NBR1: variants seen among roughly 807,000 people sequenced by gnomAD.
The protein encoded by NBR1 is next to BRCA1 gene 1 protein.
A neutral mutation model predicts 115.5 loss-of-function variants in NBR1; 59 were observed. That is an observed-to-expected ratio of 0.51 (90% confidence interval 0.41 to 0.63). The LOEUF (loss-of-function observed/expected upper bound fraction) is 0.63. NBR1 is among the 30% of genes least tolerant of loss of function. The pLI is 0.00. For missense variants in NBR1, 1,043 were observed against 1,150.5 expected (o/e 0.91, Z 1.35); for synonymous variants, 373 against 414.7 (o/e 0.90, Z 1.22).
chr17:43,187,502 C>CTTTTTTT (rs71160025), intron 6 of NBR1, among the ~76,000 whole-genome samples: 2 of 68,836 alleles, frequency 2.9e-5, no homozygotes, highest in African/African-American at 1.4e-4. Context: ...TATTTCCTGA[C>CTTTTTTT]TTTTTTTTTT....
intron 10 of NBR1, among the ~76,000 whole-genome samples, chr17:43,192,264 C>T (rs987439723): frequency 3.9e-5 from 6 of 151,998 alleles, no homozygotes; most frequent in African/African-American, 9.7e-5. Flanking sequence ...CTCATGAATC[C>T]GCCCGCCTTG....
chr17:43,193,375 T>G lies in NBR1; in HGVS notation c.1261T>G (p.Leu421Val). Reference protein sequence around the residue: ...KLKFMWGNLTLASTEKKDVLV... With the variant: ...KLKFMWGNLTVASTEKKDVLV... The stretch of plus-strand genomic sequence containing the variant: ...CAAGTTCATGTGGGGAAACCTGACT[T>G]TGGCTTCCACAGAAAAGAAGGATGT... Residue 421 changes from leucine (L) to valine (V), a missense_variant, in exon 12 of 21, where the codon TTG becomes GTG. Leu to Val is a conservative substitution (Grantham distance 32, BLOSUM62 1). Transcript: ENST00000590996. 1 of 1,613,946 alleles carries G rather than the reference T, an allele frequency of 6.2e-7. No homozygotes were observed. Among genetic ancestry groups the G allele is most frequent in the Non-Finnish European group, 8.5e-7 (1 of 1,179,832 alleles).
In NBR1 at chr17:43,211,325, C is replaced by T. The variant is rs1420501931; in HGVS notation, c.*1251C>T. 2.0e-5 allele frequency: 3 copies of T among 152,394 alleles called. No individual in the cohort carries two copies. Among genetic ancestry groups the T allele is most frequent in the Admixed American group, 6.6e-5 (1 of 15,248 alleles). The allele number at this position is 152,394 out of a possible 1,614,324, so 9.4% of individuals were successfully genotyped here. ...AAAAGGAAGAATATGAACCCCAGAC[C>T]GAAGGGGAAAAGATAGTTAATAGTA... On this transcript the variant is annotated 3_prime_UTR_variant, in exon 21 of 21. Coordinates refer to ENST00000590996, the MANE Select transcript of NBR1 (RefSeq NM_005899.5).
At chr17:43,186,504 C>T (rs2056806062) in intron 6 of NBR1, 60 bp downstream of exon 6, 1 of 1,304,502 alleles carries the variant, frequency 7.7e-7, no homozygotes, top group Non-Finnish European at 1.0e-6. Flanking sequence ...TTAAATAAAG[C>T]TGAACAGGTT....
At chr17:43,178,107 G>T in intron 3 of NBR1, 109 bp downstream of exon 3, 1 of 1,316,398 alleles carries the variant, frequency 7.6e-7, no homozygotes, top group South Asian at 1.3e-5. Flanking sequence ...TTTGTGTGGT[G>T]GTTTAAATAT....
At chr17:43,179,466 T>G (rs1274971314) in intron 4 of NBR1, 54 bp downstream of exon 4, 4 of 1,507,500 alleles carry the variant, frequency 2.7e-6, no homozygotes, top group Non-Finnish European at 3.7e-6. Context: ...AATCTGCTCA[T>G]TGAGGCATTT....
chr17:43,170,427 G>A (rs1190230298), upstream of NBR1: 13 of 153,818 alleles, frequency 8.5e-5, no homozygotes, highest in South Asian at 1.9e-3. Context: ...TGAGTTCGCC[G>A]TAAAGCGCCC....
chr17:43,184,414 A>G lies in NBR1; in HGVS notation c.208-1836A>G, dbSNP rs369048200. Among the ~76,000 whole-genome samples, 8 of 105,378 alleles carry G rather than the reference A, an allele frequency of 7.6e-5. No individual in the cohort carries two copies. In the East Asian group the frequency reaches 2.7e-3, roughly 36 times the overall value. The allele number at this position is 105,378 out of a possible 152,430, so 69.1% of individuals were successfully genotyped here. The stretch of plus-strand genomic sequence containing the variant: ...AGAGTCTCACTTTGTTGCCCAAGCT[A>G]GAGTGCAGTGGCGCCATCTCAGCTC... On this transcript the variant is annotated intron_variant, in intron 5 of 20. Transcript: ENST00000590996.
chr17:43,203,912 A>G (rs2057258167), intron 20 of NBR1, 126 bp downstream of exon 20: 1 of 479,316 alleles, frequency 2.1e-6, no homozygotes, highest in African/African-American at 2.0e-5. Context: ...TTTAGTCTTT[A>G]GTTAACACAC....
At chr17:43,202,573 C>A in intron 18 of NBR1, 82 bp from the exon 19 acceptor site, 1 of 953,120 alleles carries the variant, frequency 1.0e-6, no homozygotes, top group Admixed American at 2.6e-5. Flanking sequence ...TGCCACCTGC[C>A]TCAATAATAG....
At chr17:43,198,512 G>A (rs1185120958) in intron 16 of NBR1, among the ~76,000 whole-genome samples, 1 of 151,960 alleles carries the variant, frequency 6.6e-6, no homozygotes, top group Non-Finnish European at 1.5e-5. Context: ...AATTAGCTGG[G>A]CGTGGTAGCG....
At chr17:43,188,045 C>CA in intron 6 of NBR1, among the ~76,000 whole-genome samples, 1 of 151,958 alleles carries the variant, frequency 6.6e-6, no homozygotes, top group East Asian at 1.9e-4. Context: ...CGCCCACTAC[C>CA]ACGCCTAGCT....
At position 43,175,904 on chromosome 17, in the gene NBR1, G is replaced by T. The variant is rs1188056406; in HGVS notation, c.102+3G>T. On this transcript the variant is annotated splice_donor_region_variant and intron_variant, in intron 2 of 20. Transcript: ENST00000590996. The stretch of plus-strand genomic sequence containing the variant: ...CTTGGGCTGATATCGAAGCTATGGT[G>T]AGTGTTACTTTATTTTGTTTCTCCT... 1 of 1,520,104 alleles carries T rather than the reference G, an allele frequency of 6.6e-7. No individual in the cohort carries two copies. Among genetic ancestry groups the T allele is most frequent in the Admixed American group, 1.7e-5 (1 of 58,340 alleles). 94.2% of individuals were successfully genotyped at this position (1,520,104 alleles called of 1,614,324 possible). A position where few individuals can be genotyped will look rare whatever the true frequency, so the allele number is the denominator to read the frequency against.
chr17:43,192,015 C>A (rs2056959028), intron 10 of NBR1, among the ~76,000 whole-genome samples: 1 of 132,368 alleles, frequency 7.6e-6, no homozygotes, highest in African/African-American at 2.7e-5. Flanking sequence ...CCACACAGCA[C>A]CCGGCTTTTT....
intron 16 of NBR1, 116 bp from the exon 17 acceptor site, chr17:43,200,051 C>A: frequency 2.4e-6 from 2 of 822,536 alleles, no homozygotes; most frequent in Non-Finnish European, 3.8e-6. Context: ...TTAGTTCTTC[C>A]CTCTCCTCTG....
chr17:43,184,410 A>T (rs1369712619), intron 5 of NBR1, among the ~76,000 whole-genome samples: 1 of 105,140 alleles, frequency 9.5e-6, no homozygotes, highest in African/African-American at 3.1e-5. Flanking sequence ...TTGTTGCCCA[A>T]GCTAGAGTGC....
chr17:43,178,384 T>C (rs1170079940), intron 3 of NBR1, among the ~76,000 whole-genome samples: 1 of 150,108 alleles, frequency 6.7e-6, no homozygotes, highest in Non-Finnish European at 1.5e-5. Flanking sequence ...TTTTTCTTTT[T>C]TTTTTTTTGT....
At position 43,210,415 on chromosome 17, in the gene NBR1, T is replaced by TTTA; in HGVS notation, c.*341_*342insTTA. ...ACTGAGTATTTTTCTTTGGCTAATG[T>TTTA]GGATTTTTTATGGGGATATCTGTTA... On this transcript the variant is annotated 3_prime_UTR_variant, in exon 21 of 21. Transcript: ENST00000590996. 2.5e-6 allele frequency: 1 copy of TTTA among 396,470 alleles called. No homozygotes were observed. Among genetic ancestry groups the TTTA allele is most frequent in the Non-Finnish European group, 4.4e-6 (1 of 225,316 alleles). The allele number at this position is 396,470 out of a possible 1,614,324, so 24.6% of individuals were successfully genotyped here. A position where few individuals can be genotyped will look rare whatever the true frequency, so the allele number is the denominator to read the frequency against.
At chr17:43,180,236 C>A (rs2056629223) in intron 4 of NBR1, among the ~76,000 whole-genome samples, 1 of 152,132 alleles carries the variant, frequency 6.6e-6, no homozygotes, top group Admixed American at 6.6e-5. Context: ...ATTATATGGA[C>A]ATCATAGAGT....
Sources: allele counts gnomAD v4.1 joint callset (sites outside exome capture counted in the v4.1 genomes callset), GRCh38; gene constraint gnomAD v4.1.1; transcripts MANE v1.5; gene names NCBI Gene and HGNC (gene_info 2026-07-23, HGNC 2026-07-21).